The following ATXN7 variants were observed in gnomAD, a reference collection of about 807,000 sequenced individuals.
The protein encoded by ATXN7 is ataxin 7.
In ATXN7, 12 loss-of-function variants were observed where a neutral mutation model predicts 70.5. The ratio of observed to expected loss-of-function variants is 0.17; its 90% confidence interval spans 0.11 to 0.28. The LOEUF (loss-of-function observed/expected upper bound fraction) is 0.28. ATXN7 is among the 10% of genes least tolerant of loss of function. The probability of loss-of-function intolerance (pLI) is 1.00; values close to 1 mark genes in which losing one functional copy is unlikely to be tolerated. For missense variants in ATXN7, 1,256 were observed against 1,131.7 expected (o/e 1.11, Z -1.58); for synonymous variants, 498 against 448.7 (o/e 1.11, Z -1.39).
Position 63,870,798 on chromosome 3 carries a change from T to C in ATXN7, c.-111+6640T>C, listed in dbSNP as rs193052313. Among the ~76,000 whole-genome samples the C allele has an allele frequency of 5.9e-5, 9 of 152,316 alleles. No individual in the cohort carries two copies. The East Asian group carries it at 1.7e-3, about 29-fold the overall frequency. On this transcript the variant is annotated intron_variant, in intron 1 of 12. Transcript: ENST00000674280. ...TCTTTCCTAAAGGAAATCTGTATCC[T>C]GGCCTTCCCTATTCCCTTTCTGCAT... is the stretch of plus-strand genomic sequence containing the variant.
At chr3:63,900,348 A>G (rs1703590434) in intron 2 of ATXN7, among the ~76,000 whole-genome samples, 1 of 152,226 alleles carries the variant, frequency 6.6e-6, no homozygotes, top group Non-Finnish European at 1.5e-5. Context: ...TATTTTTACC[A>G]TTACCAATCT....
rs2075795303 is a variant in ATXN7 at position 63,998,500 on chromosome 3, T to G, written c.2662-950T>G. 3.0e-6 allele frequency: 3 copies of G among 985,296 alleles called. No individual in the cohort carries two copies. The African/African-American group carries it at 5.2e-5, about 17-fold the overall frequency. The allele number at this position is 985,296 out of a possible 1,614,324, so 61.0% of individuals were successfully genotyped here. Reference sequence around the variant, plus strand: ...TTTGATTTTTACCATGTAGTGGCACTATGTCTTACTAGAACAACACAGACA... The same window carrying G: ...TTTGATTTTTACCATGTAGTGGCACGATGTCTTACTAGAACAACACAGACA... On this transcript the variant is annotated intron_variant, in intron 12 of 12. Transcript: ENST00000674280.
intron 1 of ATXN7, among the ~76,000 whole-genome samples, chr3:63,884,576 G>T (rs886110102): frequency 2.6e-5 from 4 of 151,726 alleles, no homozygotes; most frequent in African/African-American, 9.7e-5. Context: ...TAATATAAAA[G>T]AACTCCAAAT....
chr3:63,986,180 GC>G (rs1308738635), intron 8 of ATXN7, among the ~76,000 whole-genome samples: 8 of 152,158 alleles, frequency 5.3e-5, no homozygotes, highest in Admixed American at 5.2e-4. Context: ...GAACCTTAAA[GC>G]CAGCCAGGTG....
rs150241385 is a variant in ATXN7, at chr3:63,985,303, G to A, written c.1095+2282G>A. 5.5e-3 allele frequency among the ~76,000 whole-genome samples: 833 copies of A among 151,968 alleles called. 5 individuals carry two copies. The highest frequency in any genetic ancestry group is 0.012 in the South Asian group (56 of 4,810). On this transcript the variant is annotated intron_variant, in intron 8 of 12. Transcript: ENST00000674280. ...TCAAATGATATATGCTCCCCTTGTCGTCCTTCTTTAAGGGTGTCATTACTC... is the reference window on the plus strand; with the variant it reads ...TCAAATGATATATGCTCCCCTTGTCATCCTTCTTTAAGGGTGTCATTACTC...
intron 4 of ATXN7, among the ~76,000 whole-genome samples, chr3:63,913,532 G>A (rs1704144588): frequency 6.6e-6 from 1 of 152,216 alleles, no homozygotes; most frequent in Non-Finnish European, 1.5e-5. Flanking sequence ...GGAGAAACAG[G>A]AGTAGAGGAA....
intron 2 of ATXN7, among the ~76,000 whole-genome samples, chr3:63,909,682 A>G (rs1171543088): frequency 6.6e-6 from 1 of 152,198 alleles, no homozygotes; most frequent in Non-Finnish European, 1.5e-5. Context: ...CTTTAAGGAA[A>G]CTTCTAACGA....
At chr3:63,988,346 T>C (rs2075612182) in intron 9 of ATXN7, 22 bp downstream of exon 9, 3 of 1,613,304 alleles carry the variant, frequency 1.9e-6, no homozygotes, top group Non-Finnish European at 1.7e-6. Flanking sequence ...CCTCCAACTC[T>C]TTCTCCCACC....
At chr3:63,877,846 A>C (rs1293768291) in intron 1 of ATXN7, among the ~76,000 whole-genome samples, 1 of 152,228 alleles carries the variant, frequency 6.6e-6, no homozygotes, top group Non-Finnish European at 1.5e-5. Context: ...ATTAACATCT[A>C]ACCTCAAATC....
rs1024194489 is a variant in ATXN7, at chr3:63,995,604, G to A, written c.1782G>A (p.Leu594=). The change falls in exon 12 of 13, where the codon CTG becomes CTA. Residue 594 remains leucine, a synonymous_variant. Coordinates refer to ENST00000674280, the MANE Select transcript of ATXN7 (RefSeq NM_001377405.1). ...VPTSQCGVSY[L]AAATVSTSPV... is the part of the protein sequence containing the mutation. ...CATCACAATGTGGAGTCAGCTATCT[G>A]GCAGCAGCCACCGTCTCTACATCCC... 3.7e-6 allele frequency: 6 copies of A among 1,614,086 alleles called. No individual in the cohort carries two copies. In the African/African-American group the frequency reaches 5.3e-5, roughly 14 times the overall value.
At chr3:63,997,994 GT>G (rs1314090036) in intron 12 of ATXN7, 5 of 985,250 alleles carry the variant, frequency 5.1e-6, no homozygotes, top group Non-Finnish European at 6.0e-6. Flanking sequence ...ACTCATTACA[GT>G]TTATAAGCAT....
rs369999332 is a variant in ATXN7, at chr3:63,952,421, A to T, written c.437A>T (p.Tyr146Phe). 2 of 1,612,558 alleles carry T rather than the reference A, an allele frequency of 1.2e-6. No individual in the cohort carries two copies. Among genetic ancestry groups the T allele is most frequent in the Non-Finnish European group, 1.7e-6 (2 of 1,179,670 alleles). The change falls in exon 5 of 13, where the codon TAC becomes TTC. Residue 146 changes from tyrosine to phenylalanine, a missense_variant. Coordinates refer to ENST00000674280, the MANE Select transcript of ATXN7 (RefSeq NM_001377405.1). Reference protein sequence around the residue: ...FGFCPAHDDFYLVVCNDCNQV... With the variant: ...FGFCPAHDDFFLVVCNDCNQV... ...TTCTGTCCAGCCCATGATGATTTCTACTTGGTGGTGTGTAACGACTGTAAT... is the reference window on the plus strand; with the variant it reads ...TTCTGTCCAGCCCATGATGATTTCTTCTTGGTGGTGTGTAACGACTGTAAT...
At chr3:63,893,977 G>C (rs1163678207) in intron 1 of ATXN7, among the ~76,000 whole-genome samples, 1 of 152,182 alleles carries the variant, frequency 6.6e-6, no homozygotes, top group Non-Finnish European at 1.5e-5. Flanking sequence ...TGGAGAATAT[G>C]ACTGCAGTTT....
In ATXN7 at chr3:63,899,705, C is replaced by T. The variant is rs373247307; in HGVS notation, c.-12+1208C>T. ...CTCGGCTCACTGCAAGCTCCGCCTC[C>T]TGGGTTCACGCAATTCTGCCGCCTC... On this transcript the variant is annotated intron_variant, in intron 2 of 12. Transcript: ENST00000674280. Among the ~76,000 whole-genome samples the T allele has an allele frequency of 2.6e-5, 4 of 152,222 alleles. No individual in the cohort carries two copies. The East Asian group carries it at 7.7e-4, about 29-fold the overall frequency.
Position 63,956,291 on chromosome 3 carries a change from C to T in ATXN7, c.499+3808C>T, listed in dbSNP as rs572679143. ...CTAAAAATACAAAAAATAAGCCAGG[C>T]GTGGTGGCGTGCGCTCCCACTTGGG... On this transcript the variant is annotated intron_variant, in intron 5 of 12. Transcript: ENST00000674280. Among the ~76,000 whole-genome samples, 14 of 151,870 alleles carry T rather than the reference C, an allele frequency of 9.2e-5. No homozygotes were observed. The South Asian group carries it at 2.5e-3, about 27-fold the overall frequency.
At chr3:63,922,249 C>G (rs564567372) in intron 4 of ATXN7, among the ~76,000 whole-genome samples, 1 of 152,008 alleles carries the variant, frequency 6.6e-6, no homozygotes, top group African/African-American at 2.4e-5. Context: ...ACCATGTTGC[C>G]CAGGCTGGTC....
intron 4 of ATXN7, among the ~76,000 whole-genome samples, chr3:63,942,290 T>C (rs1247897378): frequency 6.6e-6 from 1 of 152,192 alleles, no homozygotes; most frequent in Non-Finnish European, 1.5e-5. Context: ...CTCCTCTGCT[T>C]ACTGACTTTG....
chr3:63,942,855 A>AGT (rs2074794368), intron 4 of ATXN7, among the ~76,000 whole-genome samples: 1 of 152,218 alleles, frequency 6.6e-6, no homozygotes, highest in African/African-American at 2.4e-5. Context: ...CTATTTTACA[A>AGT]GTGAGTATAC....
intron 9 of ATXN7, among the ~76,000 whole-genome samples, chr3:63,989,809 T>C (rs2075639087): frequency 1.3e-5 from 2 of 152,324 alleles, no homozygotes; most frequent in Middle Eastern, 6.8e-3. Flanking sequence ...TTTCATTTAT[T>C]GTGTAGGTAA....
Sources: gnomAD v4.1 joint callset for allele counts (sites outside exome capture counted in the v4.1 genomes callset) on GRCh38, gnomAD v4.1.1 for gene constraint, MANE v1.5 for transcripts, NCBI Gene and HGNC (gene_info 2026-07-23, HGNC 2026-07-21) for gene names.